The following PCDHGA9 variants were observed in gnomAD, a reference collection of about 807,000 sequenced individuals.
PCDHGA9 encodes protocadherin gamma subfamily A, 9, also known as protocadherin gamma-A9.
In PCDHGA9, 37 loss-of-function variants were observed where a neutral mutation model predicts 62.5. That is an observed-to-expected ratio of 0.59 (90% CI 0.46 to 0.78). PCDHGA9 has a LOEUF of 0.78. Among genes scored for constraint, PCDHGA9 ranks in the 30% least tolerant of loss-of-function variants. The pLI is 0.00. For synonymous variants in PCDHGA9, 459 were observed against 484.6 expected, an observed-to-expected ratio of 0.95 and a Z score of 0.69; for missense variants, 1,138 against 1,166.2, an observed-to-expected ratio of 0.98 and a Z score of 0.35.
chr5:141,455,495 G>C (rs2098824459), intron 1 of PCDHGA9, among the ~76,000 whole-genome samples: 1 of 152,204 alleles, frequency 6.6e-6, no homozygotes, highest in East Asian at 1.9e-4. Flanking sequence ...GGTGATGTCT[G>C]ATTTGCATAG....
chr5:141,419,398 G>A (rs2096375486), intron 1 of PCDHGA9: 7 of 1,613,572 alleles, frequency 4.3e-6, no homozygotes, highest in Non-Finnish European at 5.1e-6. Flanking sequence ...AGAGCGGGGT[G>A]GTGTTCGCGC....
intron 1 of PCDHGA9, among the ~76,000 whole-genome samples, chr5:141,466,724 A>G (rs2099128017): frequency 6.6e-6 from 1 of 152,148 alleles, no homozygotes. Flanking sequence ...TTTCCATTTT[A>G]GCAGAATTCA....
chr5:141,424,878 G>A (rs1455273258), intron 1 of PCDHGA9, among the ~76,000 whole-genome samples: 2 of 152,162 alleles, frequency 1.3e-5, no homozygotes, highest in African/African-American at 4.8e-5. Context: ...GAGGAAAGGA[G>A]ACTTATCTAG....
At position 141,494,838 on chromosome 5, in the gene PCDHGA9, C is replaced by T; in HGVS notation, c.2456C>T (p.Ser819Phe). 4.3e-6 allele frequency: 7 copies of T among 1,614,166 alleles called. No homozygotes were observed. Among genetic ancestry groups the T allele is most frequent in the Non-Finnish European group, 3.4e-6 (4 of 1,180,032 alleles). Residue 819 changes from serine (S) to phenylalanine (F), a missense_variant, in exon 2 of 4, where the codon TCT becomes TTT. By Grantham distance (155) the Ser-to-Phe change is radical. Transcript: ENST00000573521. ...CCGCCCAACACGGACTGGCGTTTCT[C>T]TCAGGCCCAGAGACCCGGCACCAGC... ...QAPPNTDWRF[S>F]QAQRPGTSGS...
At chr5:141,451,036 G>T (rs973806381) in intron 1 of PCDHGA9, among the ~76,000 whole-genome samples, 1 of 150,880 alleles carries the variant, frequency 6.6e-6, no homozygotes, top group Non-Finnish European at 1.5e-5. Flanking sequence ...CACCATATTG[G>T]CCAGGCTGGT....
intron 1 of PCDHGA9, among the ~76,000 whole-genome samples, chr5:141,407,487 C>T (rs928735518): frequency 7.0e-6 from 1 of 142,894 alleles, no homozygotes; most frequent in African/African-American, 2.6e-5. Context: ...TATGGAAAAT[C>T]TTTATTTCTG....
chr5:141,468,981 A>G (rs1209945826), intron 1 of PCDHGA9, among the ~76,000 whole-genome samples: 4 of 151,852 alleles, frequency 2.6e-5, no homozygotes, highest in East Asian at 1.9e-4. Context: ...TTTGACTTCC[A>G]AAATTATTGT....
rs374095590 is a variant in PCDHGA9, at chr5:141,431,523, T to C, written c.2424+26147T>C. On this transcript the variant is annotated intron_variant, in intron 1 of 3. Coordinates refer to ENST00000573521, the MANE Select transcript of PCDHGA9 (RefSeq NM_018921.3). This position sits in a 1 kb window ranked among gnomAD's most constrained non-coding sequence, Gnocchi z 4.8. ...TACCGCGCGAGCGTTCCGGAGAATC[T>C]GGCCTTGGGCACGCAGCTGCTTGTA... 13 of 1,613,952 alleles carry C rather than the reference T, an allele frequency of 8.1e-6. No homozygotes were observed. The African/African-American group carries it at 1.5e-4, about 18-fold the overall frequency.
chr5:141,505,596 T>G (rs2099846990), intron 3 of PCDHGA9, 115 bp downstream of exon 3: 1 of 1,562,168 alleles, frequency 6.4e-7, no homozygotes, highest in African/African-American at 1.4e-5. Context: ...CTCCAGATCT[T>G]TCGGCAGGTC....
rs747844350 is a variant in PCDHGA9, at chr5:141,404,791, G to A, written c.1839G>A (p.Glu613=). 2 of 1,613,932 alleles carry A rather than the reference G, an allele frequency of 1.2e-6. No individual in the cohort carries two copies. The highest frequency in any genetic ancestry group is 8.5e-7 in the Non-Finnish European group (1 of 1,180,010). ...WLSYRLFKAS[E]PGLFSVGLHT... is the part of the protein sequence containing the mutation. ...CCTACCGCCTATTCAAGGCCAGTGA[G>A]CCAGGGCTCTTCTCGGTGGGGCTGC... Residue 613 remains glutamate, a synonymous_variant, in exon 1 of 4, where the codon GAG becomes GAA. Coordinates refer to ENST00000573521, the MANE Select transcript of PCDHGA9 (RefSeq NM_018921.3).
rs759346998 is a variant in PCDHGA9 at position 141,410,849 on chromosome 5, C to CTTTTTTTTTT, written c.2424+5486_2424+5495dup. ...CAGACTGAAGATATTTTGTCTTTGT[C>CTTTTTTTTTT]TTTTTTTTTTTTTTTTTTTTTTGAG... On this transcript the variant is annotated intron_variant, in intron 1 of 3. Coordinates refer to ENST00000573521, the MANE Select transcript of PCDHGA9 (RefSeq NM_018921.3). 91 of 138,162 alleles carry CTTTTTTTTTT rather than the reference C, an allele frequency of 6.6e-4. 6 individuals are homozygous for CTTTTTTTTTT. The highest frequency in any genetic ancestry group is 2.3e-3 in the African/African-American group (38 of 16,624). The allele number at this position is 138,162 out of a possible 1,614,324, so 8.6% of individuals were successfully genotyped here. A position where few individuals can be genotyped will look rare whatever the true frequency, so the allele number is the denominator to read the frequency against.
chr5:141,478,381 C>A (rs931860600), intron 1 of PCDHGA9: 1 of 1,613,664 alleles, frequency 6.2e-7, no homozygotes, highest in Admixed American at 1.7e-5. Flanking sequence ...TGTCGCCGCA[C>A]CTTTACCATC....
intron 1 of PCDHGA9, chr5:141,423,907 G>C: frequency 7.9e-7 from 1 of 1,271,360 alleles, no homozygotes. Context: ...TTTCAAAGGG[G>C]CCATTCAACT....
At chr5:141,414,270 T>G in intron 1 of PCDHGA9, 1 of 1,613,476 alleles carries the variant, frequency 6.2e-7, no homozygotes, top group Non-Finnish European at 8.5e-7. Context: ...AAGATTCACC[T>G]CTGGGAACAG....
intron 1 of PCDHGA9, among the ~76,000 whole-genome samples, chr5:141,481,731 A>G (rs1339022274): frequency 6.6e-6 from 1 of 152,060 alleles, no homozygotes; most frequent in African/African-American, 2.4e-5. Context: ...AGGCGGGCGG[A>G]TCACGAGGTC....
intron 1 of PCDHGA9, chr5:141,419,310 A>G: frequency 6.2e-7 from 1 of 1,613,948 alleles, no homozygotes; most frequent in Non-Finnish European, 8.5e-7. Flanking sequence ...TTCGGGCTCA[A>G]CGGCCGTGTC....
chr5:141,467,295 C>T (rs2099141170), intron 1 of PCDHGA9, among the ~76,000 whole-genome samples: 1 of 152,114 alleles, frequency 6.6e-6, no homozygotes, highest in South Asian at 2.1e-4. Flanking sequence ...TCAAGTGATC[C>T]ACTCACCTCG....
intron 1 of PCDHGA9, chr5:141,441,621 G>T: frequency 4.5e-6 from 1 of 223,408 alleles, no homozygotes; most frequent in South Asian, 5.2e-5. Context: ...CGTGGCCAGT[G>T]ACCTGGAGCC....
chr5:141,490,485 G>A lies in PCDHGA9; in HGVS notation c.2425-4322G>A. 3 of 1,614,202 alleles carry A rather than the reference G, an allele frequency of 1.9e-6. No individual in the cohort carries two copies. Among genetic ancestry groups the A allele is most frequent in the Middle Eastern group, 3.3e-4 (2 of 6,062 alleles). On this transcript the variant is annotated intron_variant, in intron 1 of 3. Coordinates refer to ENST00000573521, the MANE Select transcript of PCDHGA9 (RefSeq NM_018921.3). This position sits in a 1 kb window ranked among gnomAD's most constrained non-coding sequence, Gnocchi z 5.4. ...TAACCAGCCAGCCTTTGGACCGGGA[G>A]GCCACATCCCACTATATCATCGAGC... is the stretch of plus-strand genomic sequence containing the variant.
Sources: allele counts gnomAD v4.1 joint callset (sites outside exome capture counted in the v4.1 genomes callset), GRCh38; gene constraint gnomAD v4.1.1; non-coding constraint Gnocchi (gnomAD v3.1); transcripts MANE v1.5; gene names NCBI Gene and HGNC (gene_info 2026-07-23, HGNC 2026-07-21).